LAPTM4B: variants seen among roughly 807,000 people sequenced by gnomAD.
LAPTM4B encodes lysosomal protein transmembrane 4 beta, also known as lysosomal-associated transmembrane protein 4B.
A neutral mutation model predicts 28.5 loss-of-function variants in LAPTM4B; 26 were observed. The observed-to-expected ratio is 0.91, with a 90% CI of 0.67 to 1.27. LAPTM4B has a LOEUF of 1.27. Ranked by LOEUF, LAPTM4B falls within the 50% of genes most tolerant of loss-of-function variation. The pLI is 0.00. For missense variants in LAPTM4B, 288 were observed against 285.8 expected (o/e 1.01, Z -0.06); for synonymous variants, 109 against 106.4 (o/e 1.02, Z -0.15).
At chr8:97,849,482 C>G (rs1310077533) in intron 6 of LAPTM4B, among the ~76,000 whole-genome samples, 2 of 152,228 alleles carry the variant, frequency 1.3e-5, no homozygotes, top group African/African-American at 2.4e-5. Flanking sequence ...CTTGCCTACT[C>G]CATTCCTTTT....
chr8:97,840,104 T>C (rs1270103562), intron 6 of LAPTM4B, among the ~76,000 whole-genome samples: 1 of 152,220 alleles, frequency 6.6e-6, no homozygotes, highest in East Asian at 1.9e-4. Context: ...TTCAGGAACA[T>C]GCAGAGGCAG....
At chr8:97,804,341 A>G (rs1563607883) in intron 1 of LAPTM4B, among the ~76,000 whole-genome samples, 3 of 152,258 alleles carry the variant, frequency 2.0e-5, no homozygotes, top group Admixed American at 6.5e-5. Flanking sequence ...GGAAATAGAA[A>G]TGAAGAGGTA....
At chr8:97,776,251 G>A in intron 1 of LAPTM4B, 143 bp downstream of exon 1, 1 of 1,085,412 alleles carries the variant, frequency 9.2e-7, no homozygotes, top group Non-Finnish European at 1.2e-6. Flanking sequence ...CGGGTGCCGC[G>A]TCCGCACTTC....
At chr8:97,849,242 G>T (rs1217966627) in intron 6 of LAPTM4B, among the ~76,000 whole-genome samples, 2 of 152,160 alleles carry the variant, frequency 1.3e-5, no homozygotes, top group East Asian at 3.9e-4. Context: ...GGTTGTCCTT[G>T]TCTGTTCTTT....
intron 1 of LAPTM4B, among the ~76,000 whole-genome samples, chr8:97,776,451 C>G (rs967205931): frequency 2.6e-5 from 4 of 152,242 alleles, no homozygotes; most frequent in African/African-American, 9.6e-5. Flanking sequence ...GCTTATCTGC[C>G]GAGCACGTGT....
intron 1 of LAPTM4B, among the ~76,000 whole-genome samples, chr8:97,789,929 T>C (rs1816473146): frequency 6.6e-6 from 1 of 152,198 alleles, no homozygotes; most frequent in Admixed American, 6.5e-5. Flanking sequence ...AGTTCAATGG[T>C]TTAAAGTTTT....
intron 1 of LAPTM4B, among the ~76,000 whole-genome samples, chr8:97,793,646 C>T (rs866859159): frequency 6.6e-6 from 1 of 152,122 alleles, no homozygotes; most frequent in Non-Finnish European, 1.5e-5. Flanking sequence ...CATGGAAATA[C>T]CACCATTAAA....
chr8:97,834,144 G>GAAAAAA lies in LAPTM4B; in HGVS notation c.603+9000_603+9005dup, dbSNP rs554058157. 5.4e-4 allele frequency among the ~76,000 whole-genome samples: 41 copies of GAAAAAA among 75,346 alleles called. 6 individuals carry two copies. The highest frequency in any genetic ancestry group is 1.8e-3 in the East Asian group (4 of 2,248). The allele number at this position is 75,346 out of a possible 152,430, so 49.4% of individuals were successfully genotyped here. On this transcript the variant is annotated intron_variant, in intron 6 of 6. Transcript: ENST00000521545. ...ACATAGTGAGACCCCTGTCTCTACA[G>GAAAAAA]AAAAAAAAAAAAAATCCAGGTGGCA...
chr8:97,825,022 A>T, intron 5 of LAPTM4B, 36 bp from the exon 6 acceptor site: 1 of 1,254,120 alleles, frequency 8.0e-7, no homozygotes, highest in Non-Finnish European at 1.2e-6. Context: ...CTGCAGTTTG[A>T]AAATTAAAAA....
intron 2 of LAPTM4B, 140 bp downstream of exon 2, chr8:97,805,604 C>CGTCTAACATTCT: frequency 1.6e-6 from 1 of 628,028 alleles, no homozygotes; most frequent in Non-Finnish European, 2.9e-6. Flanking sequence ...TATTTGTGTG[C>CGTCTAACATTCT]GTCTAACATT....
chr8:97,834,285 C>T (rs987274781), intron 6 of LAPTM4B, among the ~76,000 whole-genome samples: 2 of 152,004 alleles, frequency 1.3e-5, no homozygotes, highest in African/African-American at 4.8e-5. Flanking sequence ...GCCTAGGTGA[C>T]ACAGCAAGAC....
chr8:97,788,927 C>T (rs897590771), intron 1 of LAPTM4B, among the ~76,000 whole-genome samples: 6 of 151,630 alleles, frequency 4.0e-5, no homozygotes, highest in African/African-American at 1.5e-4. Context: ...AACTCCTGAC[C>T]TCGTGATCCG....
intron 6 of LAPTM4B, among the ~76,000 whole-genome samples, chr8:97,836,086 T>C (rs6986810): frequency 0.39 from 59,203 of 151,608 alleles, 12,150 homozygotes; most frequent in Non-Finnish European, 0.46. Flanking sequence ...CCTCACCCCC[T>C]CATCAACCCC....
intron 2 of LAPTM4B, among the ~76,000 whole-genome samples, chr8:97,813,338 C>T (rs142477779): frequency 6.6e-6 from 1 of 152,242 alleles, no homozygotes; most frequent in Non-Finnish European, 1.5e-5. Flanking sequence ...GCATCCAGCA[C>T]GGGAGAAAGA....
chr8:97,803,801 G>C (rs1409931127), intron 1 of LAPTM4B, among the ~76,000 whole-genome samples: 1 of 152,060 alleles, frequency 6.6e-6, no homozygotes, highest in African/African-American at 2.4e-5. Flanking sequence ...ATGCACCACT[G>C]TGCCTGGCTC....
intron 6 of LAPTM4B, among the ~76,000 whole-genome samples, chr8:97,832,161 T>C (rs1302626547): frequency 6.6e-6 from 1 of 152,224 alleles, no homozygotes; most frequent in Non-Finnish European, 1.5e-5. Context: ...TGGAGAAAAC[T>C]TCTATTTTTC....
intron 6 of LAPTM4B, among the ~76,000 whole-genome samples, chr8:97,834,159 T>C (rs1489065714): frequency 2.2e-4 from 13 of 60,008 alleles, no homozygotes; most frequent in Admixed American, 3.0e-4. Flanking sequence ...AAAAAAAAAA[T>C]CCAGGTGGCA....
At chr8:97,850,476 G>GTGTA (rs1554594411) in intron 6 of LAPTM4B, among the ~76,000 whole-genome samples, 1 of 147,558 alleles carries the variant, frequency 6.8e-6, no homozygotes, top group Non-Finnish European at 1.5e-5. Flanking sequence ...GTGTGTGTGT[G>GTGTA]TGTGTGTGTG....
chr8:97,776,394 C>CT (rs1816216610), intron 1 of LAPTM4B, among the ~76,000 whole-genome samples: 1 of 152,166 alleles, frequency 6.6e-6, no homozygotes, highest in Non-Finnish European at 1.5e-5. Flanking sequence ...CCAGCCTCCG[C>CT]GCAGCCCCGC....
Sources: gnomAD v4.1 joint callset for allele counts (sites outside exome capture counted in the v4.1 genomes callset) on GRCh38, gnomAD v4.1.1 for gene constraint, MANE v1.5 for transcripts, NCBI Gene and HGNC (gene_info 2026-07-23, HGNC 2026-07-21) for gene names.